BABAM2: variants seen among roughly 807,000 people sequenced by gnomAD.
BABAM2 encodes BRISC and BRCA1 A complex member 2, also known as BRISC and BRCA1-A complex member 2.
Under a neutral mutation model 54.7 loss-of-function variants are expected in BABAM2, and 31 were observed. That is an observed-to-expected ratio of 0.57 (90% confidence interval 0.43 to 0.77). The LOEUF is 0.77. Among genes scored for constraint, BABAM2 ranks in the 30% least tolerant of loss-of-function variants. The pLI, the probability that BABAM2 is intolerant of heterozygous loss-of-function variation, is 0.00. For synonymous variants in BABAM2, 167 were observed against 162.9 expected, an observed-to-expected ratio of 1.03 and a Z score of -0.19; for missense variants, 364 against 455.8, an observed-to-expected ratio of 0.80 and a Z score of 1.83.
chr2:28,009,186 T>C (rs1674206105), intron 4 of BABAM2, among the ~76,000 whole-genome samples: 1 of 152,084 alleles, frequency 6.6e-6, no homozygotes, highest in Non-Finnish European at 1.5e-5. Flanking sequence ...ATGAATAGAT[T>C]GTATAGGGCC....
chr2:28,125,185 A>G (rs1480960676), intron 6 of BABAM2, among the ~76,000 whole-genome samples: 2 of 152,250 alleles, frequency 1.3e-5, no homozygotes, highest in Admixed American at 6.5e-5. Flanking sequence ...GGTAACAGCC[A>G]GTGTTATCCA....
chr2:28,206,927 A>G (rs72818416), intron 7 of BABAM2, among the ~76,000 whole-genome samples: 13,612 of 152,288 alleles, frequency 0.089, 692 homozygotes, highest in Middle Eastern at 0.18. Context: ...AGAGGGAAAG[A>G]ATAGCATCTG....
upstream of BABAM2, chr2:27,890,571 G>T (rs994972531): frequency 1.2e-5 from 6 of 518,790 alleles, no homozygotes; most frequent in African/African-American, 1.2e-4. This position sits in a 1 kb window ranked among gnomAD's most constrained non-coding sequence, Gnocchi z 4.8. Flanking sequence ...CTGATATGGC[G>T]AGACTCCGCG....
chr2:28,192,103 C>T (rs143132561), intron 7 of BABAM2, among the ~76,000 whole-genome samples: 177 of 151,966 alleles, frequency 1.2e-3, no homozygotes, highest in African/African-American at 3.8e-3. Flanking sequence ...GGCACGATCT[C>T]GGCTCTCTGC....
chr2:28,111,627 C>CAT (rs2148727186), intron 6 of BABAM2, among the ~76,000 whole-genome samples: 1 of 152,278 alleles, frequency 6.6e-6, no homozygotes, highest in South Asian at 2.1e-4. Context: ...CCTGTTTAAT[C>CAT]ATAGGATAAT....
chr2:28,062,650 T>A (rs1048467278), intron 6 of BABAM2, among the ~76,000 whole-genome samples: 1 of 152,140 alleles, frequency 6.6e-6, no homozygotes, highest in African/African-American at 2.4e-5. Context: ...GCAATGATAC[T>A]TGTGTTAAAA....
At chr2:27,968,853 C>T (rs1671008256) in intron 3 of BABAM2, among the ~76,000 whole-genome samples, 1 of 152,208 alleles carries the variant, frequency 6.6e-6, no homozygotes, top group African/African-American at 2.4e-5. Flanking sequence ...CCTTGTATCA[C>T]ATGAGACTTT....
At chr2:28,205,428 G>A (rs1166923597) in intron 7 of BABAM2, among the ~76,000 whole-genome samples, 2 of 139,836 alleles carry the variant, frequency 1.4e-5, no homozygotes, top group African/African-American at 2.4e-5. Flanking sequence ...ACTTGAACCC[G>A]AGAGGTAGAG....
At chr2:28,255,017 A>G (rs1397304058) in intron 10 of BABAM2, among the ~76,000 whole-genome samples, 1 of 152,092 alleles carries the variant, frequency 6.6e-6, no homozygotes, top group African/African-American at 2.4e-5. Context: ...GATTGCAGGC[A>G]TGAGCCACTG....
At chr2:28,221,232 G>C (rs1558447542) in intron 7 of BABAM2, among the ~76,000 whole-genome samples, 1 of 151,922 alleles carries the variant, frequency 6.6e-6, no homozygotes, top group Non-Finnish European at 1.5e-5. Flanking sequence ...CTGTCTGAGG[G>C]ATGTGCTCAT....
chr2:28,117,476 A>G (rs1468429795), intron 6 of BABAM2, among the ~76,000 whole-genome samples: 1 of 152,224 alleles, frequency 6.6e-6, no homozygotes, highest in Non-Finnish European at 1.5e-5. Context: ...CAGATTGAAT[A>G]GTCAAACCAC....
chr2:28,208,547 A>T (rs1175443562), intron 7 of BABAM2, among the ~76,000 whole-genome samples: 1 of 151,768 alleles, frequency 6.6e-6, no homozygotes, highest in East Asian at 1.9e-4. Flanking sequence ...CCTTTATTGT[A>T]CCTTTCCTAC....
chr2:28,211,926 A>G (rs1679503024), intron 7 of BABAM2, among the ~76,000 whole-genome samples: 1 of 152,148 alleles, frequency 6.6e-6, no homozygotes, highest in Non-Finnish European at 1.5e-5. Context: ...GTGTCTTTTT[A>G]TAGTGGTTGG....
intron 10 of BABAM2, among the ~76,000 whole-genome samples, chr2:28,247,488 G>T (rs1034698706): frequency 6.6e-6 from 1 of 152,156 alleles, no homozygotes; most frequent in Non-Finnish European, 1.5e-5. Flanking sequence ...GGGACCACTT[G>T]TTCCTTTTTC....
chr2:28,031,891 AT>A (rs1676317847), intron 5 of BABAM2, among the ~76,000 whole-genome samples: 1 of 152,230 alleles, frequency 6.6e-6, no homozygotes, highest in Non-Finnish European at 1.5e-5. Flanking sequence ...GTAAGCATAT[AT>A]TCAACTGGCT....
At chr2:27,932,141 G>A (rs1215713652) in intron 3 of BABAM2, among the ~76,000 whole-genome samples, 1 of 151,950 alleles carries the variant, frequency 6.6e-6, no homozygotes. Flanking sequence ...TATCTTGCTG[G>A]CACCCATTCT....
chr2:28,039,524 A>G (rs1436640607), intron 5 of BABAM2, among the ~76,000 whole-genome samples: 2 of 152,252 alleles, frequency 1.3e-5, no homozygotes, highest in Non-Finnish European at 2.9e-5. Flanking sequence ...AGCTAAAGTT[A>G]TAATCACTTG....
At chr2:27,994,552 G>A (rs72812549) in intron 4 of BABAM2, among the ~76,000 whole-genome samples, 11,965 of 152,070 alleles carry the variant, frequency 0.079, 801 homozygotes, top group African/African-American at 0.18. Flanking sequence ...TTTGATCTTC[G>A]TACAAATGAA....
intron 7 of BABAM2, among the ~76,000 whole-genome samples, chr2:28,229,611 G>A (rs1681193723): frequency 6.8e-6 from 1 of 147,570 alleles, no homozygotes; most frequent in African/African-American, 2.5e-5. Flanking sequence ...TTGAGACAGA[G>A]TCTTGCTCTG....
Sources: gnomAD v4.1 joint callset for allele counts (sites outside exome capture counted in the v4.1 genomes callset) on GRCh38, gnomAD v4.1.1 for gene constraint, Gnocchi (gnomAD v3.1) non-coding constraint, MANE v1.5 for transcripts, NCBI Gene and HGNC (gene_info 2026-07-23, HGNC 2026-07-21) for gene names.